CCNF: variants seen among roughly 807,000 people sequenced by gnomAD.
CCNF encodes cyclin-F.
Under a neutral mutation model 85.4 loss-of-function variants are expected in CCNF, and 30 were observed. That is an observed-to-expected ratio of 0.35 (90% CI 0.26 to 0.48). CCNF has a LOEUF of 0.48. Among genes scored for constraint, CCNF ranks in the 20% least tolerant of loss-of-function variants. CCNF has a pLI of 0.99. For missense variants in CCNF, 919 were observed against 1,010.4 expected (o/e 0.91, Z 1.23); for synonymous variants, 439 against 425.1 (o/e 1.03, Z -0.40).
intron 13 of CCNF, 142 bp downstream of exon 13, chr16:2,450,057 A>C: frequency 6.0e-6 from 4 of 664,886 alleles, no homozygotes; most frequent in East Asian, 5.5e-5. Context: ...AAATACAAAA[A>C]TTAGCCAGGC....
Position 2,437,415 on chromosome 16 carries a change from T to G in CCNF, c.540+93T>G, listed in dbSNP as rs898597879. ...AGGGTAGATCCTGGACCCTGGAAAG[T>G]CAGGAGCCTAAGGGAAGTGAAGATG... On this transcript the variant is annotated intron_variant, in intron 5 of 16. Transcript: ENST00000397066. The G allele has an allele frequency of 4.2e-6, 4 of 961,218 alleles. No homozygotes were observed. The African/African-American group carries it at 5.0e-5, about 12-fold the overall frequency. The allele number at this position is 961,218 out of a possible 1,614,324, so 59.5% of individuals were successfully genotyped here.
At chr16:2,441,937 TTATATA>T (rs55737759) in intron 8 of CCNF, among the ~76,000 whole-genome samples, 1,506 of 59,978 alleles carry the variant, frequency 0.025, 20 homozygotes, top group African/African-American at 0.039. Flanking sequence ...TATTAGCAAA[TTATATA>T]TATATATATA....
chr16:2,454,420 A>G (rs1361370582), intron 15 of CCNF, among the ~76,000 whole-genome samples: 1 of 151,908 alleles, frequency 6.6e-6, no homozygotes, highest in East Asian at 1.9e-4. Flanking sequence ...ACGCACGGCT[A>G]CTCCAGGAGG....
rs562145171 is a variant in CCNF, at chr16:2,458,253, C to CTTTTTTTTT, written c.*1243_*1251dup. The stretch of plus-strand genomic sequence containing the variant: ...CTTGGCCAGAAGTGTCCCCCAGATG[C>CTTTTTTTTT]TTTTTTTTTTTTTTTTTTGGAGACA... On this transcript the variant is annotated 3_prime_UTR_variant, in exon 17 of 17. Coordinates refer to ENST00000397066, the MANE Select transcript of CCNF (RefSeq NM_001761.3). 210 of 130,320 alleles carry CTTTTTTTTT rather than the reference C, an allele frequency of 1.6e-3. 3 individuals are homozygous for CTTTTTTTTT. The highest frequency in any genetic ancestry group is 5.5e-3 in the African/African-American group (195 of 35,138). The allele number at this position is 130,320 out of a possible 1,614,324, so 8.1% of individuals were successfully genotyped here.
chr16:2,439,970 G>A (rs2065312597), intron 8 of CCNF, 144 bp downstream of exon 8: 4 of 690,962 alleles, frequency 5.8e-6, no homozygotes, highest in East Asian at 2.7e-5. Context: ...CCCTAAGATC[G>A]GTTCAGCACT....
At position 2,431,113 on chromosome 16, in the gene CCNF, G is replaced by T. The variant is rs747010806; in HGVS notation, c.17-17G>T. On this transcript the variant is annotated splice_polypyrimidine_tract_variant and intron_variant, in intron 1 of 16. Transcript: ENST00000397066. ...AATTTTTCATCTTATCAAGGCTTCT[G>T]TCTTTTTTTCCTTCAGTGGTCCACT... The T allele has an allele frequency of 6.2e-6, 10 of 1,612,146 alleles. No individual in the cohort carries two copies. The South Asian group carries it at 1.1e-4, about 18-fold the overall frequency.
chr16:2,449,652 T>A (rs1401198646), intron 12 of CCNF, among the ~76,000 whole-genome samples, 176 bp from the exon 13 acceptor site: 3 of 152,088 alleles, frequency 2.0e-5, no homozygotes, highest in Non-Finnish European at 4.4e-5. Context: ...TATGTATGGG[T>A]TTTTTTCAAA....
Position 2,451,371 on chromosome 16 carries a change from CAGTGAGG to C in CCNF, c.1487+1457_1487+1463del, listed in dbSNP as rs926037295. On this transcript the variant is annotated intron_variant, in intron 13 of 16. Coordinates refer to ENST00000397066, the MANE Select transcript of CCNF (RefSeq NM_001761.3). The surrounding 1 kb of genome is among the most constrained non-coding windows in gnomAD (Gnocchi z 4.3). ...CTGGGGGCCATGAGTGGAGTCATGG[CAGTGAGG>C]GGTGAGGGGGACAAGCACGGGGCTG... Among the ~76,000 whole-genome samples, 5 of 152,116 alleles carry C rather than the reference CAGTGAGG, an allele frequency of 3.3e-5. No individual in the cohort carries two copies. The highest frequency in any genetic ancestry group is 1.2e-4 in the African/African-American group (5 of 41,494).
chr16:2,446,142 G>GA (rs2065361203), intron 10 of CCNF, among the ~76,000 whole-genome samples: 1 of 152,170 alleles, frequency 6.6e-6, no homozygotes, highest in Non-Finnish European at 1.5e-5. Context: ...GCGTGTGGGG[G>GA]CCGCTGTGTG....
intron 10 of CCNF, among the ~76,000 whole-genome samples, chr16:2,447,520 G>A (rs1396121756): frequency 6.6e-6 from 1 of 152,046 alleles, no homozygotes; most frequent in African/African-American, 2.4e-5. Flanking sequence ...AGAGGCAGAG[G>A]TTGCAGTGAG....
At position 2,453,459 on chromosome 16, in the gene CCNF, G is replaced by A; in HGVS notation, c.1637G>A (p.Ser546Asn). Residue 546 changes from serine (S) to asparagine (N), a missense_variant, in exon 15 of 17, where the codon AGC becomes AAC. Physicochemically the swap from Ser to Asn is conservative, Grantham distance 46. Around this residue, in one of 3 missense-constraint regions of CCNF, gnomAD observed 505 missense variants for 514.8 expected, o/e 0.98. Coordinates refer to ENST00000397066, the MANE Select transcript of CCNF (RefSeq NM_001761.3). This position sits in a 1 kb window ranked among gnomAD's most constrained non-coding sequence, Gnocchi z 5.6. ...GCTGCATTAGGAGTGACACAAGACA[G>A]CCCCGACCCCCCGACTTTCCTCAGC... ...LCAALGVTQD[S>N]PDPPTFLSTG... is the part of the protein sequence containing the mutation. 1 of 1,614,044 alleles carries A rather than the reference G, an allele frequency of 6.2e-7. No individual in the cohort carries two copies.
rs1240584907 is a variant in CCNF at position 2,432,965 on chromosome 16, A to G, written c.176A>G (p.His59Arg). ...CCGGCCCCCGTTGTTCTGCAGGTAC[A>G]CTCCCAGCTGAAGGACCTGGTGGAC... ...VEDILAVRAV[H>R]SQLKDLVDNH... Residue 59 changes from histidine to arginine, a missense_variant, in exon 3 of 17, where the codon CAC (histidine) becomes CGC (arginine). His to Arg is a conservative substitution (Grantham distance 29). Transcript: ENST00000397066. The G allele has an allele frequency of 6.3e-7, 1 of 1,599,034 alleles. No homozygotes were observed. Among genetic ancestry groups the G allele is most frequent in the East Asian group, 2.2e-5 (1 of 44,470 alleles).
rs780211194 is a variant in CCNF, at chr16:2,453,389, C to T, written c.1588-21C>T. On this transcript the variant is annotated intron_variant, in intron 14 of 16. Transcript: ENST00000397066. This position sits in a 1 kb window ranked among gnomAD's most constrained non-coding sequence, Gnocchi z 5.6. ...CTCACCCTCGGGGCCTCTGCACCCC[C>T]TAACTCTAGCTTCCCCTCAGGTGCT... 1 of 1,613,746 alleles carries T rather than the reference C, an allele frequency of 6.2e-7. No homozygotes were observed. Among genetic ancestry groups the T allele is most frequent in the African/African-American group, 1.3e-5 (1 of 74,908 alleles).
Position 2,449,830 on chromosome 16 carries a change from C to T in CCNF, c.1402C>T (p.Gln468Ter). Reference protein sequence around the residue: ...LLARLTHGQTQPWTTQLWDLT... With the variant: ...LLARLTHGQT ...CCCTGGCCTGCTTTCCTCCCCAGCA[C>T]AGCCCTGGACCACTCAGCTGTGGGA... The change falls in exon 13 of 17, where the codon CAG becomes TAG. Residue 468 changes from glutamine to a stop codon, truncating the protein, a stop_gained and splice_region_variant. Transcript: ENST00000397066. LOFTEE classifies it high-confidence loss of function. 1 of 1,518,882 alleles carries T rather than the reference C, an allele frequency of 6.6e-7. No homozygotes were observed. Among genetic ancestry groups the T allele is most frequent in the Non-Finnish European group, 8.9e-7 (1 of 1,122,410 alleles). The allele number at this position is 1,518,882 out of a possible 1,614,324, so 94.1% of individuals were successfully genotyped here.
At chr16:2,432,490 G>A (rs138327199) in intron 2 of CCNF, among the ~76,000 whole-genome samples, 16 of 152,076 alleles carry the variant, frequency 1.1e-4, no homozygotes, top group East Asian at 1.9e-4. Context: ...ACACTCCTGC[G>A]TTGGCCCAGC....
intron 15 of CCNF, among the ~76,000 whole-genome samples, chr16:2,454,628 C>T (rs149653783): frequency 0.012 from 1,873 of 152,348 alleles, 20 homozygotes; most frequent in Non-Finnish European, 0.019. Context: ...CCCAGGCTCA[C>T]GCCCACACAC....
intron 16 of CCNF, among the ~76,000 whole-genome samples, chr16:2,455,911 C>A (rs1440767613): frequency 6.6e-6 from 1 of 152,232 alleles, no homozygotes. Context: ...TAGTCTCATG[C>A]CTGTAATCCC....
chr16:2,447,127 C>T (rs538271552), intron 10 of CCNF, among the ~76,000 whole-genome samples: 1 of 152,302 alleles, frequency 6.6e-6, no homozygotes, highest in South Asian at 2.1e-4. Context: ...GACAAAGCTC[C>T]TGGGCCACAA....
chr16:2,441,981 A>ATATGTG (rs1322601122), intron 8 of CCNF, among the ~76,000 whole-genome samples: 18 of 98,772 alleles, frequency 1.8e-4, no homozygotes, highest in African/African-American at 2.7e-4. Flanking sequence ...ATATATATAT[A>ATATGTG]TGTTTTTGTT....
Sources: gnomAD v4.1 joint callset for allele counts (sites outside exome capture counted in the v4.1 genomes callset) on GRCh38, gnomAD v4.1.1 for gene constraint, gnomAD v4.1.1 regional missense constraint, Gnocchi (gnomAD v3.1) non-coding constraint, MANE v1.5 for transcripts, NCBI Gene and HGNC (gene_info 2026-07-23, HGNC 2026-07-21) for gene names.